The following KRT8 variants were observed in gnomAD, a reference collection of about 807,000 sequenced individuals.
KRT8 encodes keratin, type II cytoskeletal 8.
KRT8 carries 24 observed loss-of-function variants against 43.0 expected under a neutral mutation model. The ratio of observed to expected loss-of-function variants is 0.56; its 90% CI spans 0.40 to 0.78. The LOEUF (loss-of-function observed/expected upper bound fraction) is 0.78, where lower values mean the gene tolerates loss of function less well. Ranked by LOEUF, KRT8 falls within the 30% of genes least tolerant of loss-of-function variation. The pLI, the probability that KRT8 is intolerant of heterozygous loss-of-function variation, is 0.00. For synonymous variants in KRT8, 214 were observed against 261.2 expected (o/e 0.82, Z 1.74); for missense variants, 492 against 638.4 (o/e 0.77, Z 2.47).
intron 4 of KRT8, among the ~76,000 whole-genome samples, chr12:52,900,370 G>A (rs918629585): frequency 3.3e-5 from 5 of 152,154 alleles, no homozygotes; most frequent in South Asian, 2.1e-4. Flanking sequence ...CCACTTTCTC[G>A]TCTGTGAAAT....
intron 2 of KRT8, chr12:52,949,050 C>G (rs1270856336): frequency 1.1e-6 from 1 of 941,954 alleles, no homozygotes; most frequent in South Asian, 1.5e-5. Context: ...CTCCGGCTTC[C>G]GAAGCGGCTC....
At chr12:52,900,613 T>C (rs1397248628) in exon 4 of KRT8, 1 of 1,612,398 alleles carries the variant, frequency 6.2e-7, no homozygotes, top group South Asian at 1.1e-5. Flanking sequence ...CCTGAGGAAG[T>C]TGATCTCGTC....
chr12:52,932,848 C>A (rs1317187347), intron 2 of KRT8, among the ~76,000 whole-genome samples: 3 of 151,906 alleles, frequency 2.0e-5, no homozygotes, highest in Non-Finnish European at 4.4e-5. Context: ...AACCTACCTA[C>A]AAAAAAGCTA....
At chr12:52,933,917 G>A (rs1356657063) in intron 2 of KRT8, among the ~76,000 whole-genome samples, 1 of 150,996 alleles carries the variant, frequency 6.6e-6, no homozygotes, top group Non-Finnish European at 1.5e-5. Context: ...GAGCCACCTC[G>A]CCCAGGCTCA....
upstream of KRT8, among the ~76,000 whole-genome samples, chr12:52,906,067 C>T (rs1250540572): frequency 1.3e-5 from 2 of 152,036 alleles, no homozygotes; most frequent in African/African-American, 4.8e-5. Flanking sequence ...GGCGACAGAG[C>T]GAGATTCCAT....
At chr12:52,927,104 T>A (rs1367213399) in intron 2 of KRT8, among the ~76,000 whole-genome samples, 2 of 152,140 alleles carry the variant, frequency 1.3e-5, no homozygotes, top group African/African-American at 4.8e-5. Context: ...AAAGAAGCTG[T>A]GATTGTTTCA....
intron 7 of KRT8, among the ~76,000 whole-genome samples, chr12:52,898,137 C>T (rs1941261791): frequency 6.6e-6 from 1 of 152,194 alleles, no homozygotes; most frequent in South Asian, 2.1e-4. Context: ...TGCACTCCAG[C>T]TTGGGTGACA....
At chr12:52,897,874 T>C (rs182581724) in intron 7 of KRT8, among the ~76,000 whole-genome samples, 2 of 152,284 alleles carry the variant, frequency 1.3e-5, no homozygotes, top group East Asian at 3.9e-4. Flanking sequence ...ACTGAAGACG[T>C]TTACAGGTGT....
At chr12:52,926,386 G>T in intron 2 of KRT8, 3 of 1,261,188 alleles carry the variant, frequency 2.4e-6, no homozygotes, top group Non-Finnish European at 3.1e-6. Context: ...GCACCTCCTT[G>T]TCACCTGCAC....
chr12:52,901,823 G>T, intron 2 of KRT8, 41 bp downstream of exon 2: 1 of 1,384,394 alleles, frequency 7.2e-7, no homozygotes, highest in Non-Finnish European at 1.0e-6. Flanking sequence ...GTGGAGGAGA[G>T]CACGGTGACT....
intron 1 of KRT8, among the ~76,000 whole-genome samples, chr12:52,903,910 G>A (rs1026326219): frequency 8.5e-6 from 1 of 117,568 alleles, no homozygotes; most frequent in Non-Finnish European, 1.7e-5. Context: ...GCCGAGCTCC[G>A]CCAGGTGGAG....
At chr12:52,943,987 G>C (rs1237381183) in intron 2 of KRT8, among the ~76,000 whole-genome samples, 2 of 152,170 alleles carry the variant, frequency 1.3e-5, no homozygotes, top group African/African-American at 4.8e-5. Context: ...AAAAATAGTG[G>C]TGAGCAGGGA....
intron 2 of KRT8, among the ~76,000 whole-genome samples, chr12:52,944,196 G>T (rs1172815385): frequency 6.6e-6 from 1 of 152,170 alleles, no homozygotes; most frequent in African/African-American, 2.4e-5. Flanking sequence ...GCTGAGGAGA[G>T]ACCAAGCTAG....
intron 2 of KRT8, among the ~76,000 whole-genome samples, chr12:52,945,796 G>C (rs1178587512): frequency 6.6e-6 from 1 of 152,028 alleles, no homozygotes; most frequent in South Asian, 2.1e-4. Flanking sequence ...TCTGTTCTGG[G>C]AGCTTCTCAC....
intron 2 of KRT8, among the ~76,000 whole-genome samples, chr12:52,916,149 C>T (rs1271089817): frequency 6.6e-6 from 1 of 152,092 alleles, no homozygotes. Flanking sequence ...AGAGCTTTTT[C>T]TGCAGGCTGC....
intron 2 of KRT8, 137 bp from the exon 3 acceptor site, chr12:52,901,356 T>C: frequency 1.4e-6 from 1 of 732,504 alleles, no homozygotes; most frequent in Non-Finnish European, 2.5e-6. Context: ...CTGGTCCTTC[T>C]GCCTTCCCCA....
chr12:52,934,923 C>T (rs1417654934), intron 2 of KRT8, among the ~76,000 whole-genome samples: 1 of 151,338 alleles, frequency 6.6e-6, no homozygotes, highest in Non-Finnish European at 1.5e-5. Flanking sequence ...GAGCCGAGGT[C>T]GCACCATTGC....
At chr12:52,932,295 G>T (rs992798024) in intron 2 of KRT8, among the ~76,000 whole-genome samples, 1 of 151,800 alleles carries the variant, frequency 6.6e-6, no homozygotes, top group Non-Finnish European at 1.5e-5. Flanking sequence ...CACCATCTTG[G>T]CTAGGCTGGT....
intron 2 of KRT8, among the ~76,000 whole-genome samples, chr12:52,922,126 A>G (rs1476499990): frequency 7.1e-6 from 1 of 140,784 alleles, no homozygotes; most frequent in Non-Finnish European, 1.5e-5. Context: ...GCTGTAGTGT[A>G]CCATAATTGC....
Sources: allele counts gnomAD v4.1 joint callset (sites outside exome capture counted in the v4.1 genomes callset), GRCh38; gene constraint gnomAD v4.1.1; transcripts MANE v1.5; gene names NCBI Gene and HGNC (gene_info 2026-07-23, HGNC 2026-07-21).